Variants in MINDY4 observed in about 807,000 individuals in gnomAD.
MINDY4 encodes the protein probable ubiquitin carboxyl-terminal hydrolase MINDY-4.
In MINDY4, 68 loss-of-function variants were observed where a neutral mutation model predicts 87.0. That is an observed-to-expected ratio of 0.78 (90% CI 0.64 to 0.96). MINDY4 has a LOEUF of 0.96. Ranked by LOEUF, MINDY4 falls within the 40% of genes least tolerant of loss-of-function variation. MINDY4 has a pLI of 0.00. For synonymous variants in MINDY4, 379 were observed against 363.2 expected (o/e 1.04, Z -0.50); for missense variants, 919 against 928.2 (o/e 0.99, Z 0.13).
intron 6 of MINDY4, among the ~76,000 whole-genome samples, chr7:30,834,998 G>A (rs547335321): frequency 2.4e-4 from 37 of 152,252 alleles, no homozygotes; most frequent in African/African-American, 8.4e-4. Flanking sequence ...ACATTTTCCT[G>A]TCTTCTTCTG....
chr7:30,852,970 C>G (rs1789458721), intron 11 of MINDY4, among the ~76,000 whole-genome samples: 1 of 152,218 alleles, frequency 6.6e-6, no homozygotes, highest in African/African-American at 2.4e-5. Context: ...CTCCTAAGGG[C>G]TGCTTCCTGC....
chr7:30,783,255 C>T (rs956178590), intron 3 of MINDY4, among the ~76,000 whole-genome samples: 2 of 152,146 alleles, frequency 1.3e-5, no homozygotes, highest in African/African-American at 4.8e-5. Flanking sequence ...AAGGACATCA[C>T]TCTAGCCTCT....
intron 3 of MINDY4, among the ~76,000 whole-genome samples, chr7:30,782,681 A>C (rs762312334): frequency 6.6e-6 from 1 of 151,932 alleles, no homozygotes; most frequent in Non-Finnish European, 1.5e-5. Flanking sequence ...GTAGCTTGGG[A>C]GATGGAGTGA....
Position 30,845,649 on chromosome 7 carries a change from C to A in MINDY4, c.1445+4801C>A, listed in dbSNP as rs182597069. 2.7e-4 allele frequency among the ~76,000 whole-genome samples: 41 copies of A among 152,280 alleles called. 1 individual carries two copies. Among genetic ancestry groups the A allele is most frequent in the African/African-American group, 8.9e-4 (37 of 41,572 alleles). On this transcript the variant is annotated intron_variant, in intron 9 of 17. Transcript: ENST00000265299. ...TGTGGACCCAGAGGCAGCCCCTGCA[C>A]TTTCCTGCCTGTGTGCGGGGTCTGC... is the stretch of plus-strand genomic sequence containing the variant.
intron 1 of MINDY4, among the ~76,000 whole-genome samples, chr7:30,772,562 G>A (rs1341154623): frequency 6.6e-6 from 1 of 152,138 alleles, no homozygotes; most frequent in African/African-American, 2.4e-5. Flanking sequence ...GATACAATGT[G>A]CACGTAGGTG....
At chr7:30,876,307 A>G (rs189046097) in intron 15 of MINDY4, among the ~76,000 whole-genome samples, 7 of 152,132 alleles carry the variant, frequency 4.6e-5, no homozygotes, top group Non-Finnish European at 1.0e-4. Context: ...GACCTCAGTC[A>G]TATTGGATTA....
intron 10 of MINDY4, among the ~76,000 whole-genome samples, chr7:30,851,047 C>T (rs1789398858): frequency 6.6e-6 from 1 of 152,198 alleles, no homozygotes; most frequent in South Asian, 2.1e-4. Flanking sequence ...GGCCCTGGAC[C>T]CAGTTATCCT....
At chr7:30,814,296 A>G (rs1048081131) in intron 5 of MINDY4, among the ~76,000 whole-genome samples, 1 of 152,178 alleles carries the variant, frequency 6.6e-6, no homozygotes, top group Non-Finnish European at 1.5e-5. Flanking sequence ...TCGGGTTATT[A>G]TCATTTTTTT....
At chr7:30,842,241 C>T (rs1789061793) in intron 9 of MINDY4, among the ~76,000 whole-genome samples, 2 of 152,198 alleles carry the variant, frequency 1.3e-5, no homozygotes, top group African/African-American at 4.8e-5. Flanking sequence ...CTCTGCTTCC[C>T]CTCCCCTTTG....
chr7:30,874,503 TAC>T (rs937779148), intron 14 of MINDY4, among the ~76,000 whole-genome samples: 45 of 152,316 alleles, frequency 3.0e-4, no homozygotes, highest in African/African-American at 1.0e-3. Context: ...GCCTTGTTGG[TAC>T]ACCAAAATGT....
intron 13 of MINDY4, among the ~76,000 whole-genome samples, chr7:30,864,984 C>T (rs1321931599): frequency 6.6e-6 from 1 of 152,188 alleles, no homozygotes; most frequent in Non-Finnish European, 1.5e-5. Context: ...CCTTGAGAAT[C>T]ACGGGCTCTT....
chr7:30,830,009 G>A (rs1788648977), intron 6 of MINDY4, among the ~76,000 whole-genome samples: 1 of 149,052 alleles, frequency 6.7e-6, no homozygotes, highest in Non-Finnish European at 1.5e-5. Flanking sequence ...TGAAGGATAG[G>A]AGGCCATGGA....
chr7:30,787,663 A>G lies in MINDY4; in HGVS notation c.663+1671A>G, dbSNP rs548166698. On this transcript the variant is annotated intron_variant, in intron 4 of 17. Coordinates refer to ENST00000265299, the MANE Select transcript of MINDY4 (RefSeq NM_032222.3). The stretch of plus-strand genomic sequence containing the variant: ...ATGGAGGTTGGTATGGGAGCCTTCC[A>G]TTAGTCAGAGCCACCTCAGCAGTGG... 2.2e-4 allele frequency among the ~76,000 whole-genome samples: 34 copies of G among 152,358 alleles called. 1 individual carries two copies. In the East Asian group the frequency reaches 5.2e-3, roughly 23 times the overall value.
chr7:30,813,704 C>G (rs192821418), intron 5 of MINDY4, among the ~76,000 whole-genome samples: 3 of 152,170 alleles, frequency 2.0e-5, no homozygotes, highest in Admixed American at 6.5e-5. Flanking sequence ...TGTACTTGTC[C>G]GAACTGGGGC....
chr7:30,771,918 T>G (rs1441456402), intron 1 of MINDY4, among the ~76,000 whole-genome samples: 1 of 152,224 alleles, frequency 6.6e-6, no homozygotes, highest in Non-Finnish European at 1.5e-5. Context: ...GCTGCCGGCC[T>G]CCGTGCGCTA....
chr7:30,878,845 A>G (rs1010378248), intron 15 of MINDY4, among the ~76,000 whole-genome samples: 1 of 152,154 alleles, frequency 6.6e-6, no homozygotes, highest in Non-Finnish European at 1.5e-5. Flanking sequence ...CGTCCTCTCC[A>G]TCAGGAGGAC....
At chr7:30,773,853 A>T (rs1439157141) in intron 1 of MINDY4, among the ~76,000 whole-genome samples, 1 of 151,992 alleles carries the variant, frequency 6.6e-6, no homozygotes, top group Non-Finnish European at 1.5e-5. Context: ...CCAACTTTTC[A>T]CAGTCCCTCG....
chr7:30,796,121 CT>C (rs34145186), intron 5 of MINDY4, among the ~76,000 whole-genome samples: 44,972 of 149,782 alleles, frequency 0.3, 6,917 homozygotes, highest in Non-Finnish European at 0.32. Context: ...GAGCACTGTA[CT>C]TTTTTTTTTT....
At chr7:30,828,420 A>T (rs1308762292) in intron 5 of MINDY4, among the ~76,000 whole-genome samples, 4 of 152,084 alleles carry the variant, frequency 2.6e-5, no homozygotes, top group Non-Finnish European at 5.9e-5. Flanking sequence ...CAACCTACAG[A>T]GCTGACCATC....
Sources: allele counts gnomAD v4.1 joint callset (sites outside exome capture counted in the v4.1 genomes callset), GRCh38; gene constraint gnomAD v4.1.1; transcripts MANE v1.5; gene names NCBI Gene and HGNC (gene_info 2026-07-23, HGNC 2026-07-21).